ATG5: variants seen among roughly 807,000 people sequenced by gnomAD.
The protein encoded by ATG5 is autophagy related 5.
ATG5 carries 14 observed loss-of-function variants against 36.5 expected under a neutral mutation model. That is an observed-to-expected ratio of 0.38 (90% CI 0.25 to 0.60). The LOEUF is 0.60. Among genes scored for constraint, ATG5 ranks in the 20% least tolerant of loss-of-function variants. The pLI is 0.60. For synonymous variants in ATG5, 95 were observed against 101.5 expected (o/e 0.94, Z 0.38); for missense variants, 195 against 326.7 (o/e 0.60, Z 3.11).
chr6:106,194,725 C>T (rs947719483), intron 7 of ATG5, among the ~76,000 whole-genome samples: 7 of 151,976 alleles, frequency 4.6e-5, no homozygotes, highest in South Asian at 4.1e-4. Flanking sequence ...TTAGTAGAGA[C>T]GGGGTTTCAC....
At chr6:106,319,044 T>A (rs1770966362) in intron 1 of ATG5, among the ~76,000 whole-genome samples, 1 of 152,178 alleles carries the variant, frequency 6.6e-6, no homozygotes, top group South Asian at 2.1e-4. Context: ...CAAAACCAGC[T>A]CCACCACTTA....
At chr6:106,224,033 TA>T (rs1777350766) in intron 6 of ATG5, among the ~76,000 whole-genome samples, 1 of 152,220 alleles carries the variant, frequency 6.6e-6, no homozygotes, top group Non-Finnish European at 1.5e-5. Flanking sequence ...AAAGAACATC[TA>T]TATGATATGA....
At chr6:106,301,885 T>C (rs1340626741) in intron 3 of ATG5, among the ~76,000 whole-genome samples, 2 of 151,992 alleles carry the variant, frequency 1.3e-5, no homozygotes, top group East Asian at 3.8e-4. Context: ...CATTGCTGTT[T>C]TACAGACAAG....
chr6:106,247,488 C>T (rs977426970), intron 6 of ATG5, among the ~76,000 whole-genome samples: 2 of 152,172 alleles, frequency 1.3e-5, no homozygotes, highest in Non-Finnish European at 2.9e-5. Context: ...AACAAACAGA[C>T]TTAGTAAATT....
chr6:106,281,244 CAA>C, intron 4 of ATG5, among the ~76,000 whole-genome samples: 1 of 152,216 alleles, frequency 6.6e-6, no homozygotes, highest in East Asian at 1.9e-4. Flanking sequence ...ATGCAGAAAT[CAA>C]GAGTACAATT....
chr6:106,225,810 TG>T (rs1225005490), intron 6 of ATG5, among the ~76,000 whole-genome samples: 1 of 152,196 alleles, frequency 6.6e-6, no homozygotes, highest in African/African-American at 2.4e-5. Flanking sequence ...GGAGAGTTTG[TG>T]GAAAATCAGT....
At chr6:106,228,276 G>A (rs1178830682) in intron 6 of ATG5, among the ~76,000 whole-genome samples, 1 of 152,078 alleles carries the variant, frequency 6.6e-6, no homozygotes, top group Non-Finnish European at 1.5e-5. Context: ...GCTGTTTGCC[G>A]CCATCGCAGG....
At chr6:106,277,808 C>A (rs531874803) in intron 5 of ATG5, among the ~76,000 whole-genome samples, 1 of 152,214 alleles carries the variant, frequency 6.6e-6, no homozygotes, top group African/African-American at 2.4e-5. Context: ...AGTGAAACTT[C>A]GTCTCAACAA....
intron 4 of ATG5, among the ~76,000 whole-genome samples, chr6:106,282,228 T>C (rs2114607088): frequency 6.6e-6 from 1 of 152,368 alleles, no homozygotes; most frequent in Middle Eastern, 3.4e-3. Context: ...TCTTGTCCGA[T>C]TCCAGAAAAT....
chr6:106,249,464 T>C (rs951462002), intron 5 of ATG5, among the ~76,000 whole-genome samples: 14 of 152,254 alleles, frequency 9.2e-5, no homozygotes, highest in African/African-American at 3.1e-4. Flanking sequence ...TATTCCATTA[T>C]GTGGAGTTAC....
At chr6:106,195,355 CTTAAG>C (rs747293787) in intron 7 of ATG5, among the ~76,000 whole-genome samples, 12 of 152,270 alleles carry the variant, frequency 7.9e-5, no homozygotes, top group South Asian at 6.2e-4. Context: ...TCGCTTTCAA[CTTAAG>C]TTGAATGCAG....
At chr6:106,239,420 G>A (rs1176801355) in intron 6 of ATG5, among the ~76,000 whole-genome samples, 3 of 152,026 alleles carry the variant, frequency 2.0e-5, no homozygotes, top group African/African-American at 4.8e-5. Context: ...AATTTAAATC[G>A]AAATTTAATG....
chr6:106,269,771 C>A (rs1050743319), intron 5 of ATG5, among the ~76,000 whole-genome samples: 17 of 152,204 alleles, frequency 1.1e-4, no homozygotes, highest in Admixed American at 1.1e-3. Context: ...ATCCCCGGTT[C>A]CCGCTCGCGC....
At chr6:106,320,883 CAGAG>C (rs1314664287) in intron 1 of ATG5, among the ~76,000 whole-genome samples, 1 of 152,116 alleles carries the variant, frequency 6.6e-6, no homozygotes, top group Non-Finnish European at 1.5e-5. Flanking sequence ...AGCCTTGAGT[CAGAG>C]AGGCTAGCCA....
chr6:106,259,274 A>T (rs1298409947), intron 5 of ATG5, among the ~76,000 whole-genome samples: 1 of 152,194 alleles, frequency 6.6e-6, no homozygotes, highest in Non-Finnish European at 1.5e-5. Context: ...TTATTGTTTT[A>T]AATGTATCCC....
At chr6:106,240,928 G>A (rs995227377) in intron 6 of ATG5, among the ~76,000 whole-genome samples, 4 of 152,146 alleles carry the variant, frequency 2.6e-5, no homozygotes, top group Admixed American at 6.5e-5. Context: ...CAAAGCAGGC[G>A]GATCACTTGA....
intron 6 of ATG5, among the ~76,000 whole-genome samples, chr6:106,232,597 T>A (rs892072589): frequency 2.6e-5 from 4 of 152,006 alleles, no homozygotes; most frequent in Non-Finnish European, 5.9e-5. Flanking sequence ...AGTACCCCCT[T>A]AGACCCGAGG....
intron 7 of ATG5, among the ~76,000 whole-genome samples, chr6:106,193,220 A>G (rs1776036126): frequency 6.6e-6 from 1 of 152,218 alleles, no homozygotes; most frequent in South Asian, 2.1e-4. Flanking sequence ...ATACAAACCC[A>G]TTTAAAAATA....
At chr6:106,200,450 C>G (rs973225169) in intron 7 of ATG5, among the ~76,000 whole-genome samples, 2 of 151,552 alleles carry the variant, frequency 1.3e-5, no homozygotes, top group Admixed American at 1.3e-4. Flanking sequence ...AAAAAAATTT[C>G]TATTATATAA....
Sources: allele counts gnomAD v4.1 joint callset (sites outside exome capture counted in the v4.1 genomes callset), GRCh38; gene constraint gnomAD v4.1.1; transcripts MANE v1.5; gene names NCBI Gene and HGNC (gene_info 2026-07-23, HGNC 2026-07-21).